CHD6: variants seen among roughly 807,000 people sequenced by gnomAD.
CHD6 encodes the protein ATP-dependent chromatin remodeler CHD6.
A neutral mutation model predicts 276.9 loss-of-function variants in CHD6; 50 were observed. The observed-to-expected ratio is 0.18, with a 90% CI of 0.14 to 0.23. The LOEUF is 0.23. Ranked by LOEUF, CHD6 falls within the 10% of genes least tolerant of loss-of-function variation. The probability of loss-of-function intolerance (pLI) is 1.00; values close to 1 mark genes in which losing one functional copy is unlikely to be tolerated. For synonymous variants in CHD6, 1,173 were observed against 1,229.3 expected (o/e 0.95, Z 0.96); for missense variants, 2,564 against 3,365.8 (o/e 0.76, Z 5.89).
chr20:41,577,821 G>C (rs2045491240), intron 1 of CHD6, among the ~76,000 whole-genome samples: 1 of 152,126 alleles, frequency 6.6e-6, no homozygotes, highest in African/African-American at 2.4e-5. Context: ...CAACTGTCTG[G>C]GTTCACATCT....
At chr20:41,525,500 C>A (rs1429516232) in intron 3 of CHD6, among the ~76,000 whole-genome samples, 4 of 152,202 alleles carry the variant, frequency 2.6e-5, no homozygotes, top group Admixed American at 6.5e-5. Flanking sequence ...TCCCTCCACA[C>A]CATTTATCCA....
chr20:41,539,549 G>A lies in CHD6; in HGVS notation c.34-5979C>T, dbSNP rs184243618. 3.8e-3 allele frequency among the ~76,000 whole-genome samples: 572 copies of A among 152,252 alleles called. 3 individuals are homozygous for A. The highest frequency in any genetic ancestry group is 0.013 in the African/African-American group (542 of 41,538). On this transcript the variant is annotated intron_variant, in intron 2 of 36. Transcript: ENST00000373233. ...TGAAAGGCACACTGTAAACACACAC[G>A]ACCACCCCACTGGGGCCCCATGAGG...
chr20:41,475,709 CTGCAGGAAAAGACTCCA>C (rs768695973), intron 16 of CHD6, among the ~76,000 whole-genome samples: 19 of 152,114 alleles, frequency 1.2e-4, no homozygotes, highest in Non-Finnish European at 2.6e-4. Flanking sequence ...ATGATTAATG[CTGCAGGAAAAGACTCCA>C]TGCTCTTTGA....
chr20:41,590,796 G>C (rs150379881), intron 1 of CHD6, among the ~76,000 whole-genome samples: 4,068 of 151,820 alleles, frequency 0.027, 182 homozygotes, highest in African/African-American at 0.093. Context: ...GCGGAAGACA[G>C]TGTGGCGATT....
intron 1 of CHD6, among the ~76,000 whole-genome samples, chr20:41,573,131 G>A (rs557306544): frequency 1.3e-5 from 2 of 152,152 alleles, no homozygotes; most frequent in African/African-American, 2.4e-5. Context: ...GGATGGTCTC[G>A]ATTTCCTGAC....
At chr20:41,572,704 G>C (rs1430464695) in intron 1 of CHD6, among the ~76,000 whole-genome samples, 1 of 152,142 alleles carries the variant, frequency 6.6e-6, no homozygotes, top group Non-Finnish European at 1.5e-5. Context: ...CCCAGCAACT[G>C]TGTATTAACT....
intron 13 of CHD6, 75 bp downstream of exon 13, chr20:41,488,353 A>T (rs2043468615): frequency 1.5e-6 from 2 of 1,315,744 alleles, no homozygotes; most frequent in Non-Finnish European, 2.1e-6. Flanking sequence ...AGTTACATGC[A>T]GAATGGCTAA....
rs200601658 is a variant in CHD6 at position 41,440,144 on chromosome 20, T to C, written c.3878-15A>G. 14 of 1,610,130 alleles carry C rather than the reference T, an allele frequency of 8.7e-6. No homozygotes were observed. The South Asian group carries it at 1.4e-4, about 16-fold the overall frequency. ...CCTTTCATAACCTGATCAAGAGTGG[T>C]GAGAAATGCCAGAAGTCATGTTAGA... On this transcript the variant is annotated splice_polypyrimidine_tract_variant and intron_variant, in intron 25 of 36. Transcript: ENST00000373233.
intron 1 of CHD6, among the ~76,000 whole-genome samples, chr20:41,592,780 T>A (rs2045677448): frequency 6.6e-6 from 1 of 152,126 alleles, no homozygotes; most frequent in African/African-American, 2.4e-5. Flanking sequence ...GGGGATGCCA[T>A]GACTTCCCAA....
At chr20:41,506,744 GGAGGGA>G (rs1474873742) in intron 5 of CHD6, among the ~76,000 whole-genome samples, 1 of 152,162 alleles carries the variant, frequency 6.6e-6, no homozygotes, top group African/African-American at 2.4e-5. Flanking sequence ...GGCAAACACT[GGAGGGA>G]GAGACCAGTT....
intron 16 of CHD6, among the ~76,000 whole-genome samples, chr20:41,477,671 A>G (rs746318960): frequency 2.0e-5 from 3 of 152,236 alleles, no homozygotes; most frequent in Non-Finnish European, 2.9e-5. Context: ...AACAGAAGTG[A>G]TAAAATTCTG....
chr20:41,436,849 A>T (rs570227975), intron 27 of CHD6, among the ~76,000 whole-genome samples: 1 of 152,314 alleles, frequency 6.6e-6, no homozygotes, highest in East Asian at 1.9e-4. Flanking sequence ...GTTGCCAGGA[A>T]TTTAAAGAGG....
rs1045271346 is a variant in CHD6 at position 41,424,895 on chromosome 20, T to C, written c.4346+283A>G. Among the ~76,000 whole-genome samples, 14 of 152,222 alleles carry C rather than the reference T, an allele frequency of 9.2e-5. 1 individual carries two copies. The highest frequency in any genetic ancestry group is 7.9e-4 in the Admixed American group (12 of 15,280). On this transcript the variant is annotated intron_variant, in intron 29 of 36. Transcript: ENST00000373233. Reference sequence around the variant, plus strand: ...TGGTCTGACACATTCCATTGTGGTGTTTCTAAACCACATCCCCAGAGACTG... The same window carrying C: ...TGGTCTGACACATTCCATTGTGGTGCTTCTAAACCACATCCCCAGAGACTG...
At chr20:41,433,589 C>T (rs1257435497) in intron 27 of CHD6, among the ~76,000 whole-genome samples, 2 of 151,934 alleles carry the variant, frequency 1.3e-5, no homozygotes, top group African/African-American at 2.4e-5. Flanking sequence ...GTTCTCTAGA[C>T]TACCTTAAAA....
In CHD6 at chr20:41,491,772, C is replaced by T. The variant is rs751351751; in HGVS notation, c.1362G>A (p.Glu454=). The part of the protein sequence containing the change: ...DSWQKLEKSR[E]YKNSNQLREY... ...CCCGGAGCTGGTTACTGTTCTTATA[C>T]TCGCGAGACTTCTCAAGTTTCTGCC... The change falls in exon 11 of 37, where the codon GAG becomes GAA. Residue 454 remains glutamate (E), a synonymous_variant. Coordinates refer to ENST00000373233, the MANE Select transcript of CHD6 (RefSeq NM_032221.5). 3.1e-6 allele frequency: 5 copies of T among 1,613,878 alleles called. No homozygotes were observed. In the South Asian group the frequency reaches 5.5e-5, roughly 18 times the overall value.
chr20:41,574,409 A>G (rs2045451652), intron 1 of CHD6, among the ~76,000 whole-genome samples: 1 of 152,076 alleles, frequency 6.6e-6, no homozygotes, highest in Non-Finnish European at 1.5e-5. Context: ...TAGCTCCTCT[A>G]CTTGGGTATT....
chr20:41,451,141 C>A, intron 22 of CHD6, 36 bp from the exon 23 acceptor site: 5 of 1,591,626 alleles, frequency 3.1e-6, no homozygotes, highest in Non-Finnish European at 4.3e-6. Flanking sequence ...AAGTGGATAG[C>A]CAAGGGGGGT....
chr20:41,481,175 G>A (rs2043287499), intron 16 of CHD6, among the ~76,000 whole-genome samples: 4 of 151,750 alleles, frequency 2.6e-5, no homozygotes, highest in Admixed American at 2.6e-4. Flanking sequence ...GTTAAGATGA[G>A]AGAGAAGCCT....
At chr20:41,612,111 C>T (rs2045893261) in intron 1 of CHD6, among the ~76,000 whole-genome samples, 2 of 152,180 alleles carry the variant, frequency 1.3e-5, no homozygotes, top group African/African-American at 2.4e-5. Context: ...CAATTATAAA[C>T]TGTTTTTATA....
Sources: gnomAD v4.1 joint callset for allele counts (sites outside exome capture counted in the v4.1 genomes callset) on GRCh38, gnomAD v4.1.1 for gene constraint, MANE v1.5 for transcripts, NCBI Gene and HGNC (gene_info 2026-07-23, HGNC 2026-07-21) for gene names.